MARCHF1: variants seen among roughly 807,000 people sequenced by gnomAD.
The protein encoded by MARCHF1 is E3 ubiquitin-protein ligase MARCHF1.
Under a neutral mutation model 54.2 loss-of-function variants are expected in MARCHF1, and 40 were observed. The ratio of observed to expected loss-of-function variants is 0.74; its 90% CI spans 0.57 to 0.96. The LOEUF is 0.96. Ranked by LOEUF, MARCHF1 falls within the 40% of genes least tolerant of loss-of-function variation. The pLI is 0.00. For synonymous variants in MARCHF1, 236 were observed against 236.3 expected (o/e 1.00, Z 0.01); for missense variants, 586 against 656.5 (o/e 0.89, Z 1.17).
At chr4:164,141,446 C>G (rs186335695) in intron 1 of MARCHF1, among the ~76,000 whole-genome samples, 94 of 152,320 alleles carry the variant, frequency 6.2e-4, no homozygotes, top group African/African-American at 2.0e-3. Flanking sequence ...AATGTCCCCC[C>G]ATCATTTCTA....
intron 1 of MARCHF1, among the ~76,000 whole-genome samples, chr4:164,225,419 C>G (rs571986186): frequency 6.6e-6 from 1 of 151,950 alleles, no homozygotes; most frequent in Non-Finnish European, 1.5e-5. Context: ...AGACTGCTGT[C>G]TTCTAAAGGA....
At chr4:163,817,373 A>G (rs1748567427) in intron 4 of MARCHF1, among the ~76,000 whole-genome samples, 1 of 147,878 alleles carries the variant, frequency 6.8e-6, no homozygotes, top group Non-Finnish European at 1.5e-5. Flanking sequence ...ATACATATAC[A>G]TACATATATA....
chr4:163,614,414 G>A (rs1212423937), intron 5 of MARCHF1, among the ~76,000 whole-genome samples: 1 of 152,072 alleles, frequency 6.6e-6, no homozygotes, highest in Non-Finnish European at 1.5e-5. Flanking sequence ...TCTGGACCAG[G>A]TATCTGGCTC....
At chr4:163,875,580 T>C (rs1750270553) in intron 3 of MARCHF1, among the ~76,000 whole-genome samples, 3 of 152,204 alleles carry the variant, frequency 2.0e-5, no homozygotes, top group African/African-American at 7.2e-5. Context: ...TCTCATGAAC[T>C]TTCTCTTCTG....
At chr4:163,679,693 A>G (rs1305075125) in intron 5 of MARCHF1, among the ~76,000 whole-genome samples, 1 of 151,738 alleles carries the variant, frequency 6.6e-6, no homozygotes. Flanking sequence ...ACTCACTGCA[A>G]GCTCCGCCTC....
rs532269181 is a variant in MARCHF1, at chr4:164,122,194, C to T, written c.-322-10532G>A. ...AACTGGGGATAAAAGGAACATGCCTCAACATAATGAAAGCTATTTATGACA... is the reference window on the plus strand; with the variant it reads ...AACTGGGGATAAAAGGAACATGCCTTAACATAATGAAAGCTATTTATGACA... On this transcript the variant is annotated intron_variant, in intron 1 of 9. Coordinates refer to ENST00000514618, the MANE Select transcript of MARCHF1 (RefSeq NM_001394959.1). Among the ~76,000 whole-genome samples, 5 of 152,202 alleles carry T rather than the reference C, an allele frequency of 3.3e-5. No homozygotes were observed. In the East Asian group the frequency reaches 9.7e-4, roughly 29 times the overall value.
chr4:164,241,082 C>CATTAAGGCA (rs1203756253), intron 1 of MARCHF1, among the ~76,000 whole-genome samples: 7 of 152,062 alleles, frequency 4.6e-5, no homozygotes, highest in Non-Finnish European at 1.0e-4. Flanking sequence ...TAGACTTTTG[C>CATTAAGGCA]ATTAAGGCAA....
chr4:164,072,282 A>G (rs1366016675), intron 2 of MARCHF1, among the ~76,000 whole-genome samples: 1 of 152,234 alleles, frequency 6.6e-6, no homozygotes, highest in Non-Finnish European at 1.5e-5. Flanking sequence ...TGTTTAGTAC[A>G]TAATGTCTTC....
At position 163,943,716 on chromosome 4, in the gene MARCHF1, T is replaced by C. The variant is rs1018796773; in HGVS notation, c.-39+44785A>G. Among the ~76,000 whole-genome samples, 21 of 143,840 alleles carry C rather than the reference T, an allele frequency of 1.5e-4. 1 individual carries two copies. Among genetic ancestry groups the C allele is most frequent in the Non-Finnish European group, 1.5e-5 (1 of 66,892 alleles). 94.4% of individuals were successfully genotyped at this position (143,840 alleles called of 152,430 possible). ...GAGAAGTTTACCTACGTAACAAATC[T>C]GCACATGTCCCTCTGAACTTAAAAT... On this transcript the variant is annotated intron_variant, in intron 3 of 9. Transcript: ENST00000514618.
At chr4:164,303,314 T>C (rs1734612199) in intron 1 of MARCHF1, among the ~76,000 whole-genome samples, 1 of 152,192 alleles carries the variant, frequency 6.6e-6, no homozygotes, top group Non-Finnish European at 1.5e-5. Context: ...GCAAGAAAAT[T>C]GATTTTTCTC....
chr4:164,338,854 C>A (rs1729833768), intron 1 of MARCHF1, among the ~76,000 whole-genome samples: 1 of 152,054 alleles, frequency 6.6e-6, no homozygotes, highest in South Asian at 2.1e-4. Flanking sequence ...TGCCTGTAAT[C>A]CCAGCTACTT....
chr4:164,014,513 G>T (rs1380423212), intron 2 of MARCHF1, among the ~76,000 whole-genome samples: 1 of 152,058 alleles, frequency 6.6e-6, no homozygotes, highest in Non-Finnish European at 1.5e-5. Context: ...CCACAAAACA[G>T]ATAACAGAAT....
chr4:163,839,744 G>T (rs1749286819), intron 4 of MARCHF1, among the ~76,000 whole-genome samples: 1 of 152,074 alleles, frequency 6.6e-6, no homozygotes. Context: ...AACTGCTAAT[G>T]CATACAAGTT....
At chr4:164,009,788 A>G (rs1339948047) in intron 2 of MARCHF1, among the ~76,000 whole-genome samples, 2 of 152,116 alleles carry the variant, frequency 1.3e-5, no homozygotes, top group Non-Finnish European at 2.9e-5. Flanking sequence ...ATGGGTACAG[A>G]AGGAATATAT....
At chr4:163,612,204 C>T (rs751269671) in intron 7 of MARCHF1, 67 bp downstream of exon 7, 24 of 1,302,564 alleles carry the variant, frequency 1.8e-5, no homozygotes, top group South Asian at 7.2e-5. Context: ...GTGTCAAACA[C>T]GCACCTAACT....
rs72983638 is a variant in MARCHF1 at position 164,023,343 on chromosome 4, C to A, written c.-247-34634G>T. Among the ~76,000 whole-genome samples, 1,031 of 152,248 alleles carry A rather than the reference C, an allele frequency of 6.8e-3. 17 individuals are homozygous for A. The highest frequency in any genetic ancestry group is 0.024 in the African/African-American group (998 of 41,536). ...GGGTGTCATTTGTCTTCCCTGCACA[C>A]TACAGAGCACTGCTTGCAACACAAG... On this transcript the variant is annotated intron_variant, in intron 2 of 9. Transcript: ENST00000514618.
chr4:163,629,977 A>G (rs1252784393), intron 5 of MARCHF1, among the ~76,000 whole-genome samples: 2 of 152,248 alleles, frequency 1.3e-5, no homozygotes, highest in East Asian at 3.8e-4. Flanking sequence ...AGTACTGGCA[A>G]GGAAGCAGAG....
intron 3 of MARCHF1, among the ~76,000 whole-genome samples, chr4:163,899,878 T>C (rs1750900619): frequency 7.5e-6 from 1 of 133,764 alleles, no homozygotes; most frequent in South Asian, 2.6e-4. Context: ...GCCTTTCTTT[T>C]TCTTTTTTTC....
At chr4:164,363,529 G>A (rs1402693676) in intron 1 of MARCHF1, among the ~76,000 whole-genome samples, 1 of 152,008 alleles carries the variant, frequency 6.6e-6, no homozygotes, top group Non-Finnish European at 1.5e-5. Flanking sequence ...GTCGATTGAC[G>A]AAAAGGCATC....
Sources: gnomAD v4.1 joint callset for allele counts (sites outside exome capture counted in the v4.1 genomes callset) on GRCh38, gnomAD v4.1.1 for gene constraint, MANE v1.5 for transcripts, NCBI Gene and HGNC (gene_info 2026-07-23, HGNC 2026-07-21) for gene names.